KLHL6: variants seen among roughly 807,000 people sequenced by gnomAD.
KLHL6 encodes kelch like family member 6, also known as kelch-like protein 6.
In KLHL6, 41 loss-of-function variants were observed where a neutral mutation model predicts 58.6. That is an observed-to-expected ratio of 0.70 (90% CI 0.55 to 0.91). The LOEUF (loss-of-function observed/expected upper bound fraction) is 0.91, where lower values mean the gene tolerates loss of function less well. KLHL6 is among the 40% of genes least tolerant of loss of function. KLHL6 has a pLI of 0.00. For missense variants in KLHL6, 714 were observed against 805.6 expected, an observed-to-expected ratio of 0.89 and a Z score of 1.38; for synonymous variants, 338 against 322.7, an observed-to-expected ratio of 1.05 and a Z score of -0.51.
intron 1 of KLHL6, among the ~76,000 whole-genome samples, chr3:183,547,034 C>T (rs978350849): frequency 6.6e-6 from 1 of 151,890 alleles, no homozygotes; most frequent in African/African-American, 2.4e-5. Flanking sequence ...GCCTCAGCCT[C>T]CTGAGTAGCT....
intron 3 of KLHL6, among the ~76,000 whole-genome samples, chr3:183,501,835 C>T (rs1440253539): frequency 6.6e-6 from 1 of 152,226 alleles, no homozygotes; most frequent in Non-Finnish European, 1.5e-5. Flanking sequence ...TAACTTTGCA[C>T]ACATTCTCAT....
intron 2 of KLHL6, among the ~76,000 whole-genome samples, chr3:183,524,392 T>C (rs1424780366): frequency 2.0e-5 from 3 of 152,232 alleles, no homozygotes; most frequent in East Asian, 3.8e-4. Context: ...CAAAAACTAG[T>C]TGGGGAAAAT....
intron 3 of KLHL6, among the ~76,000 whole-genome samples, chr3:183,505,590 A>T (rs1037551450): frequency 3.3e-5 from 5 of 152,130 alleles, no homozygotes; most frequent in African/African-American, 7.2e-5. Context: ...ATCAAATGAA[A>T]CTAGACATTA....
At chr3:183,502,886 A>G (rs1717906832) in intron 3 of KLHL6, among the ~76,000 whole-genome samples, 2 of 152,224 alleles carry the variant, frequency 1.3e-5, no homozygotes, top group Admixed American at 1.3e-4. Context: ...ATTGAGAACT[A>G]ACACAATCAT....
At chr3:183,510,374 A>G (rs1195085416) in intron 2 of KLHL6, among the ~76,000 whole-genome samples, 1 of 151,136 alleles carries the variant, frequency 6.6e-6, no homozygotes, top group Non-Finnish European at 1.5e-5. Flanking sequence ...CTGACTGGGG[A>G]GGGTTGGCAG....
At position 183,490,038 on chromosome 3, in the gene KLHL6, T is replaced by C. The variant is rs958133505; in HGVS notation, c.*1889A>G. 4 of 152,236 alleles carry C rather than the reference T, an allele frequency of 2.6e-5. No homozygotes were observed. The highest frequency in any genetic ancestry group is 5.9e-5 in the Non-Finnish European group (4 of 68,042). 9.4% of individuals were successfully genotyped at this position (152,236 alleles called of 1,614,324 possible). ...GCAGTTACTATGTTGTTATCATTGT[T>C]GCTTTTTAAATACAGCATATGAAAC... On this transcript the variant is annotated 3_prime_UTR_variant, in exon 7 of 7. Coordinates refer to ENST00000341319, the MANE Select transcript of KLHL6 (RefSeq NM_130446.4).
rs35267231 is a variant in KLHL6 at position 183,490,513 on chromosome 3, T to TA, written c.*1413dup. 40,302 of 147,040 alleles carry TA rather than the reference T, an allele frequency of 0.27. 6,045 individuals are homozygous for TA. The highest frequency in any genetic ancestry group is 0.43 in the African/African-American group (17,179 of 40,248). The allele number at this position is 147,040 out of a possible 1,614,324, so 9.1% of individuals were successfully genotyped here. A position where few individuals can be genotyped will look rare whatever the true frequency, so the allele number is the denominator to read the frequency against. ...CAAAATGGGCCATCTTATGATCATTTAAAAAAAAAAAGACCGGGCCCAGTG... is the reference window on the plus strand; with the variant it reads ...CAAAATGGGCCATCTTATGATCATTTAAAAAAAAAAAAGACCGGGCCCAGTG... On this transcript the variant is annotated 3_prime_UTR_variant, in exon 7 of 7. Coordinates refer to ENST00000341319, the MANE Select transcript of KLHL6 (RefSeq NM_130446.4).
chr3:183,510,287 C>T (rs1292676677), intron 2 of KLHL6, among the ~76,000 whole-genome samples: 8 of 60,652 alleles, frequency 1.3e-4, no homozygotes, highest in Non-Finnish European at 1.9e-4. Flanking sequence ...AAAGGGGAGG[C>T]TGAGGGGGCA....
intron 1 of KLHL6, among the ~76,000 whole-genome samples, chr3:183,547,001 G>A (rs553148576): frequency 2.7e-5 from 4 of 148,474 alleles, no homozygotes; most frequent in Non-Finnish European, 4.4e-5. Context: ...AACCTCCGCC[G>A]TCCGGGTTCA....
At chr3:183,525,269 AAC>A (rs1553811030) in intron 2 of KLHL6, among the ~76,000 whole-genome samples, 38 of 133,812 alleles carry the variant, frequency 2.8e-4, no homozygotes, top group East Asian at 1.9e-3. Context: ...CTAAAAAAAA[AAC>A]ACACACACAC....
intron 4 of KLHL6, among the ~76,000 whole-genome samples, chr3:183,498,237 A>C (rs996016315): frequency 4.6e-5 from 7 of 152,218 alleles, no homozygotes; most frequent in African/African-American, 1.4e-4. Context: ...CTGTCTCAAA[A>C]AAATAAAAAA....
In KLHL6 at chr3:183,502,494, T is replaced by C. The variant is rs568766230; in HGVS notation, c.910-2667A>G. Among the ~76,000 whole-genome samples, 13 of 152,280 alleles carry C rather than the reference T, an allele frequency of 8.5e-5. No individual in the cohort carries two copies. The East Asian group carries it at 2.1e-3, about 25-fold the overall frequency. The stretch of plus-strand genomic sequence containing the variant: ...GACCAACAGATTACAGCAGAAGTGA[T>C]GATACATCACTTCTGAAATTAGGCT... On this transcript the variant is annotated intron_variant, in intron 3 of 6. Transcript: ENST00000341319.
At chr3:183,518,971 A>G (rs1201874211) in intron 2 of KLHL6, among the ~76,000 whole-genome samples, 1 of 152,196 alleles carries the variant, frequency 6.6e-6, no homozygotes, top group Non-Finnish European at 1.5e-5. Context: ...CCAAATCTCC[A>G]GAGTGAGGGG....
In KLHL6 at chr3:183,490,215, T is replaced by C. The variant is rs1355163603; in HGVS notation, c.*1712A>G. The C allele has an allele frequency of 6.6e-6, 1 of 152,156 alleles. No individual in the cohort carries two copies. Among genetic ancestry groups the C allele is most frequent in the Non-Finnish European group, 1.5e-5 (1 of 68,044 alleles). 9.4% of individuals were successfully genotyped at this position (152,156 alleles called of 1,614,324 possible). On this transcript the variant is annotated 3_prime_UTR_variant, in exon 7 of 7. Coordinates refer to ENST00000341319, the MANE Select transcript of KLHL6 (RefSeq NM_130446.4). ...TCAAAAAACCAAGTAGAAGTGCTTT[T>C]TAAAAGTCTTGAAAACGAAGGCTTC...
At chr3:183,533,318 TTTTC>T (rs1347382009) in intron 1 of KLHL6, among the ~76,000 whole-genome samples, 1 of 149,702 alleles carries the variant, frequency 6.7e-6, no homozygotes, top group Non-Finnish European at 1.5e-5. Context: ...CTTTCTCTCT[TTTTC>T]TTTGTTTCTT....
intron 1 of KLHL6, among the ~76,000 whole-genome samples, chr3:183,540,769 T>C (rs1184351278): frequency 6.6e-6 from 1 of 152,162 alleles, no homozygotes; most frequent in Non-Finnish European, 1.5e-5. Flanking sequence ...TGATTATTCT[T>C]TACCTTTGTC....
At chr3:183,538,039 G>A (rs1044069358) in intron 1 of KLHL6, among the ~76,000 whole-genome samples, 1 of 152,080 alleles carries the variant, frequency 6.6e-6, no homozygotes, top group Non-Finnish European at 1.5e-5. Context: ...CTTTGCACTT[G>A]CTTTTGACAG....
intron 2 of KLHL6, among the ~76,000 whole-genome samples, chr3:183,526,659 C>T (rs1382503189): frequency 6.6e-6 from 1 of 152,212 alleles, no homozygotes; most frequent in Non-Finnish European, 1.5e-5. Flanking sequence ...ATAAAGCTCA[C>T]TCTGTCTCTG....
In KLHL6 at chr3:183,492,058, A is replaced by G; in HGVS notation, c.1735T>C (p.Trp579Arg). The change falls in exon 7 of 7, where the codon TGG becomes CGG. Residue 579 changes from tryptophan to arginine, a missense_variant. Trp to Arg is a moderately radical substitution (Grantham distance 101). This residue lies in a region of KLHL6 where 510 missense variants were observed against 629.7 expected (regional missense o/e 0.81). Transcript: ENST00000341319. The surrounding 1 kb of genome is among the most constrained non-coding windows in gnomAD (Gnocchi z 5.9). ...KNEVIATVLC[W>R]DPEAQKLTEE... ...GTCAGTTTCTGGGCCTCGGGGTCCC[A>G]GCACAGCACCGTGGCGATAACCTCG... 6.2e-7 allele frequency: 1 copy of G among 1,614,042 alleles called. No individual in the cohort carries two copies. Among genetic ancestry groups the G allele is most frequent in the Non-Finnish European group, 8.5e-7 (1 of 1,180,010 alleles).
Sources: gnomAD v4.1 joint callset for allele counts (sites outside exome capture counted in the v4.1 genomes callset) on GRCh38, gnomAD v4.1.1 for gene constraint, gnomAD v4.1.1 regional missense constraint, Gnocchi (gnomAD v3.1) non-coding constraint, MANE v1.5 for transcripts, NCBI Gene and HGNC (gene_info 2026-07-23, HGNC 2026-07-21) for gene names.